HDLBP: variants seen among roughly 807,000 people sequenced by gnomAD.
HDLBP encodes the protein high density lipoprotein binding protein.
Under a neutral mutation model 137.3 loss-of-function variants are expected in HDLBP, and 30 were observed. The observed-to-expected ratio is 0.22, with a 90% CI of 0.16 to 0.30. The LOEUF is 0.30. Ranked by LOEUF, HDLBP falls within the 10% of genes least tolerant of loss-of-function variation. HDLBP has a pLI of 1.00. For missense variants in HDLBP, 1,119 were observed against 1,667.3 expected (o/e 0.67, Z 5.73); for synonymous variants, 606 against 596.0 (o/e 1.02, Z -0.24).
At chr2:241,237,248 C>T (rs2070657227) in intron 20 of HDLBP, among the ~76,000 whole-genome samples, 1 of 152,110 alleles carries the variant, frequency 6.6e-6, no homozygotes, top group African/African-American at 2.4e-5. Flanking sequence ...CTAGGGGAGA[C>T]AGAAAGGGCA....
chr2:241,275,792 A>G (rs748111171), intron 1 of HDLBP, among the ~76,000 whole-genome samples: 20 of 152,226 alleles, frequency 1.3e-4, no homozygotes, highest in Non-Finnish European at 2.5e-4. Flanking sequence ...AATTATGGCG[A>G]AAGAAATAAC....
chr2:241,238,551 G>A lies in HDLBP; in HGVS notation c.2749+98C>T. 10 of 975,062 alleles carry A rather than the reference G, an allele frequency of 1.0e-5. No homozygotes were observed. Among genetic ancestry groups the A allele is most frequent in the Non-Finnish European group, 1.5e-6 (1 of 689,296 alleles). 60.4% of individuals were successfully genotyped at this position (975,062 alleles called of 1,614,324 possible). ...AGAATACATAGATGGTTTTCCAGCA[G>A]AGACAGGAAAGAGCCTCACCAGTAT... On this transcript the variant is annotated intron_variant, in intron 20 of 27. Coordinates refer to ENST00000310931, the MANE Select transcript of HDLBP (RefSeq NM_005336.6). The surrounding 1 kb of genome is among the most constrained non-coding windows in gnomAD (Gnocchi z 4.9).
chr2:241,310,938 G>A (rs2075739883), intron 1 of HDLBP, among the ~76,000 whole-genome samples: 1 of 152,028 alleles, frequency 6.6e-6, no homozygotes, highest in African/African-American at 2.4e-5. Context: ...AACATAGAGA[G>A]CTCATGTCTA....
chr2:241,308,998 C>T (rs565606379), intron 1 of HDLBP, among the ~76,000 whole-genome samples: 7 of 152,270 alleles, frequency 4.6e-5, no homozygotes, highest in Admixed American at 2.6e-4. Context: ...ATTCCTCTAA[C>T]GTGCACAACA....
chr2:241,294,624 TA>T (rs1438356050), intron 1 of HDLBP, among the ~76,000 whole-genome samples: 1 of 152,076 alleles, frequency 6.6e-6, no homozygotes, highest in Non-Finnish European at 1.5e-5. Flanking sequence ...CATGCCCAAC[TA>T]ATTTTTTCTC....
intron 5 of HDLBP, among the ~76,000 whole-genome samples, chr2:241,258,728 T>TA (rs1353483551): frequency 1.3e-5 from 2 of 152,030 alleles, no homozygotes; most frequent in Admixed American, 6.5e-5. Flanking sequence ...CTCAAGATAA[T>TA]AAAAAATGCA....
chr2:241,313,106 C>A (rs2075801697), intron 1 of HDLBP, among the ~76,000 whole-genome samples: 2 of 152,196 alleles, frequency 1.3e-5, no homozygotes, highest in Admixed American at 1.3e-4. Context: ...AGTTCAAGGA[C>A]CACATTCTGT....
chr2:241,264,671 G>A, intron 3 of HDLBP, 66 bp from the exon 4 acceptor site: 2 of 1,471,906 alleles, frequency 1.4e-6, no homozygotes, highest in Non-Finnish European at 1.9e-6. Flanking sequence ...ACACTTTTAA[G>A]GGTTTTAGTG....
At chr2:241,263,025 G>A in intron 4 of HDLBP, 99 bp from the exon 5 acceptor site, 2 of 922,964 alleles carry the variant, frequency 2.2e-6, no homozygotes, top group Non-Finnish European at 3.4e-6. Context: ...CACTCACAAA[G>A]CAGCCCCACC....
intron 1 of HDLBP, among the ~76,000 whole-genome samples, chr2:241,314,559 G>A (rs1226714369): frequency 6.6e-6 from 1 of 152,164 alleles, no homozygotes; most frequent in Non-Finnish European, 1.5e-5. Context: ...TTAAGATTAC[G>A]ACTCATCCAC....
At chr2:241,255,621 G>T in intron 7 of HDLBP, 41 bp from the exon 8 acceptor site, 1 of 1,532,988 alleles carries the variant, frequency 6.5e-7, no homozygotes, top group Non-Finnish European at 9.0e-7. Context: ...AGGGAAAGGT[G>T]TGGGAAGCGG....
intron 16 of HDLBP, among the ~76,000 whole-genome samples, chr2:241,246,253 G>T (rs1237257582): frequency 3.3e-5 from 5 of 151,826 alleles, no homozygotes; most frequent in Non-Finnish European, 7.4e-5. Flanking sequence ...ACTGGGGGTT[G>T]CCTGGGGATA....
intron 1 of HDLBP, chr2:241,280,180 T>G: frequency 1.1e-6 from 1 of 947,568 alleles, no homozygotes; most frequent in African/African-American, 1.8e-5. Flanking sequence ...AATGTTTCCA[T>G]CCCATTTGAA....
intron 1 of HDLBP, among the ~76,000 whole-genome samples, chr2:241,291,520 ATTAG>A (rs2075014273): frequency 6.6e-6 from 1 of 152,208 alleles, no homozygotes; most frequent in South Asian, 2.1e-4. Context: ...TTTGGAAGCT[ATTAG>A]TTCCAGTGCA....
chr2:241,298,325 C>G (rs928689050), intron 1 of HDLBP, among the ~76,000 whole-genome samples: 4 of 151,784 alleles, frequency 2.6e-5, no homozygotes, highest in Non-Finnish European at 5.9e-5. Flanking sequence ...GAGATGGCGC[C>G]ATTGCACTCC....
chr2:241,298,868 A>C (rs1365976814), intron 1 of HDLBP, among the ~76,000 whole-genome samples: 1 of 152,242 alleles, frequency 6.6e-6, no homozygotes, highest in Non-Finnish European at 1.5e-5. Flanking sequence ...AATCATTAAA[A>C]GTGTCAAGCT....
intron 9 of HDLBP, among the ~76,000 whole-genome samples, chr2:241,254,170 C>T (rs140572537): frequency 6.6e-5 from 10 of 152,168 alleles, no homozygotes; most frequent in East Asian, 1.9e-4. Context: ...GAAGCTGAGA[C>T]GAGCGGATCA....
chr2:241,303,535 A>C (rs1400681772), intron 1 of HDLBP, among the ~76,000 whole-genome samples: 1 of 152,188 alleles, frequency 6.6e-6, no homozygotes, highest in East Asian at 1.9e-4. Flanking sequence ...CTCAATACTG[A>C]GCTTGGTCAC....
Position 241,233,297 on chromosome 2 carries a change from A to G in HDLBP, c.3288+523T>C, listed in dbSNP as rs2070006925. Among the ~76,000 whole-genome samples, 1 of 152,146 alleles carries G rather than the reference A, an allele frequency of 6.6e-6. No individual in the cohort carries two copies. Among genetic ancestry groups the G allele is most frequent in the Admixed American group, 6.5e-5 (1 of 15,278 alleles). ...CAGAGAGGGGATGGGGCTGCCTTTCATTTTGTTCTGAGTGAAGCAGGAGGC... is the reference window on the plus strand; with the variant it reads ...CAGAGAGGGGATGGGGCTGCCTTTCGTTTTGTTCTGAGTGAAGCAGGAGGC... On this transcript the variant is annotated intron_variant, in intron 24 of 27. Transcript: ENST00000310931. This position sits in a 1 kb window ranked among gnomAD's most constrained non-coding sequence, Gnocchi z 4.3.
Sources: allele counts gnomAD v4.1 joint callset (sites outside exome capture counted in the v4.1 genomes callset), GRCh38; gene constraint gnomAD v4.1.1; non-coding constraint Gnocchi (gnomAD v3.1); transcripts MANE v1.5; gene names NCBI Gene and HGNC (gene_info 2026-07-23, HGNC 2026-07-21).